IGF1R: variants seen among roughly 807,000 people sequenced by gnomAD.
The protein encoded by IGF1R is insulin-like growth factor 1 receptor.
Under a neutral mutation model 144.6 loss-of-function variants are expected in IGF1R, and 44 were observed. That is an observed-to-expected ratio of 0.30 (90% CI 0.24 to 0.39). IGF1R has a LOEUF of 0.39. IGF1R is among the 10% of genes least tolerant of loss of function. The pLI, the probability that IGF1R is intolerant of heterozygous loss-of-function variation, is 1.00. For missense variants in IGF1R, 1,355 were observed against 1,833.7 expected (o/e 0.74, Z 4.77); for synonymous variants, 795 against 722.8 (o/e 1.10, Z -1.60).
In IGF1R at chr15:98,913,296, G is replaced by A. The variant is rs1388782322; in HGVS notation, c.1828+14G>A. The stretch of plus-strand genomic sequence containing the variant: ...CCAATGCTTCAGGTATCCATGCCTA[G>A]ACAAGCCCCCAGCATCCACACTTCT... On this transcript the variant is annotated intron_variant, in intron 8 of 20. Transcript: ENST00000650285. 3 of 1,597,990 alleles carry A rather than the reference G, an allele frequency of 1.9e-6. No homozygotes were observed. Among genetic ancestry groups the A allele is most frequent in the Non-Finnish European group, 2.6e-6 (3 of 1,165,484 alleles).
intron 2 of IGF1R, among the ~76,000 whole-genome samples, chr15:98,835,655 C>G (rs1011504297): frequency 9.9e-5 from 15 of 152,274 alleles, no homozygotes; most frequent in African/African-American, 3.6e-4. Context: ...TTGATTTAGT[C>G]TGGAAAGGAG....
chr15:98,849,413 T>G (rs945426143), intron 2 of IGF1R, among the ~76,000 whole-genome samples: 11 of 152,160 alleles, frequency 7.2e-5, no homozygotes, highest in Admixed American at 2.0e-4. Context: ...CAGGCTAGAC[T>G]CCAAGTGAAT....
intron 2 of IGF1R, among the ~76,000 whole-genome samples, chr15:98,832,921 C>G (rs889270618): frequency 6.6e-6 from 1 of 152,186 alleles, no homozygotes; most frequent in African/African-American, 2.4e-5. Context: ...CCTAGACAGT[C>G]TATGTCTGTG....
At chr15:98,831,186 G>A (rs145892508) in intron 2 of IGF1R, among the ~76,000 whole-genome samples, 7 of 152,254 alleles carry the variant, frequency 4.6e-5, no homozygotes, top group East Asian at 1.9e-4. Context: ...CTATATCTAC[G>A]ACCAAATTTT....
At chr15:98,942,665 G>T (rs2016409627) in intron 18 of IGF1R, among the ~76,000 whole-genome samples, 1 of 152,160 alleles carries the variant, frequency 6.6e-6, no homozygotes, top group African/African-American at 2.4e-5. Context: ...TGCAATAAGG[G>T]CATTAACTTC....
At chr15:98,894,017 T>C (rs1298023143) in intron 3 of IGF1R, among the ~76,000 whole-genome samples, 1 of 152,216 alleles carries the variant, frequency 6.6e-6, no homozygotes, top group Non-Finnish European at 1.5e-5. Flanking sequence ...AGAAAAACAT[T>C]TTTTAAGTGC....
At chr15:98,659,971 G>C (rs998725626) in intron 1 of IGF1R, among the ~76,000 whole-genome samples, 1 of 151,998 alleles carries the variant, frequency 6.6e-6, no homozygotes, top group African/African-American at 2.4e-5. Flanking sequence ...TCTATATTTC[G>C]CTAGCTAATT....
chr15:98,801,690 A>G (rs558025524), intron 2 of IGF1R, among the ~76,000 whole-genome samples: 10 of 152,334 alleles, frequency 6.6e-5, no homozygotes, highest in African/African-American at 2.4e-4. Context: ...CATTGTAGCT[A>G]TGTGTATGGA....
At chr15:98,878,693 A>AAAAAAAAAAAAAAC (rs1567174382) in intron 2 of IGF1R, among the ~76,000 whole-genome samples, 2 of 126,114 alleles carry the variant, frequency 1.6e-5, no homozygotes, top group African/African-American at 7.2e-5. Flanking sequence ...AAAAAAAAAA[A>AAAAAAAAAAAAAAC]AACAACAACA....
At chr15:98,785,343 A>G (rs1161937401) in intron 2 of IGF1R, among the ~76,000 whole-genome samples, 1 of 152,208 alleles carries the variant, frequency 6.6e-6, no homozygotes, top group Non-Finnish European at 1.5e-5. Flanking sequence ...TTATCCTTCT[A>G]TCAGATGTCA....
intron 1 of IGF1R, among the ~76,000 whole-genome samples, chr15:98,699,838 A>G (rs893594350): frequency 6.6e-6 from 1 of 152,174 alleles, no homozygotes; most frequent in Non-Finnish European, 1.5e-5. Flanking sequence ...AACAGTTCAC[A>G]TTCAAATTAC....
At chr15:98,808,687 T>TTTTTC (rs2056519326) in intron 2 of IGF1R, among the ~76,000 whole-genome samples, 2 of 151,362 alleles carry the variant, frequency 1.3e-5, no homozygotes, top group African/African-American at 4.9e-5. Context: ...TTTTTTTTTT[T>TTTTTC]TCTTTTTGAA....
chr15:98,899,146 A>G (rs930289365), intron 4 of IGF1R, among the ~76,000 whole-genome samples: 18 of 152,238 alleles, frequency 1.2e-4, no homozygotes, highest in African/African-American at 4.3e-4. Flanking sequence ...TTGACAGAGC[A>G]TATTAAAAGA....
intron 2 of IGF1R, among the ~76,000 whole-genome samples, chr15:98,824,664 C>T (rs1207243076): frequency 1.3e-5 from 2 of 152,218 alleles, no homozygotes; most frequent in Admixed American, 1.3e-4. Flanking sequence ...ACTGCTGTTA[C>T]TCATGTGTTC....
intron 2 of IGF1R, among the ~76,000 whole-genome samples, chr15:98,812,473 C>T (rs1413721447): frequency 6.6e-6 from 1 of 151,880 alleles, no homozygotes; most frequent in Non-Finnish European, 1.5e-5. Context: ...TGTCCTGTCT[C>T]AGCCTCCCCA....
chr15:98,899,595 C>T lies in IGF1R; in HGVS notation c.1221C>T (p.Leu407=), dbSNP rs766924259. The change falls in exon 5 of 21, where the codon CTC becomes CTT. Residue 407 remains leucine (L), a synonymous_variant. Coordinates refer to ENST00000650285, the MANE Select transcript of IGF1R (RefSeq NM_000875.5). Reference sequence around the variant, plus strand: ...TGTCCTTCCTAAAAAACCTTCGCCTCATCCTAGGAGAGGAGCAGCTAGAAG... The same window carrying T: ...TGTCCTTCCTAAAAAACCTTCGCCTTATCCTAGGAGAGGAGCAGCTAGAAG... ...VSLSFLKNLR[L]ILGEEQLEGN... The T allele has an allele frequency of 2.5e-6, 4 of 1,614,166 alleles. No homozygotes were observed. Among genetic ancestry groups the T allele is most frequent in the Non-Finnish European group, 3.4e-6 (4 of 1,180,042 alleles).
intron 2 of IGF1R, among the ~76,000 whole-genome samples, chr15:98,882,970 G>A (rs954704547): frequency 2.0e-5 from 3 of 152,164 alleles, no homozygotes; most frequent in Non-Finnish European, 4.4e-5. Context: ...GTGCTCCTGG[G>A]TGCACCCCCA....
At chr15:98,919,185 A>G (rs957618451) in intron 10 of IGF1R, among the ~76,000 whole-genome samples, 11 of 152,164 alleles carry the variant, frequency 7.2e-5, no homozygotes, top group Admixed American at 7.2e-4. Context: ...CCTGGTCCTC[A>G]TTCCCACACA....
chr15:98,758,532 A>G (rs1418538608), intron 2 of IGF1R, among the ~76,000 whole-genome samples: 2 of 152,222 alleles, frequency 1.3e-5, no homozygotes, highest in Non-Finnish European at 2.9e-5. Context: ...CTCTGTTCCC[A>G]GTCTCTTCCG....
Sources: allele counts gnomAD v4.1 joint callset (sites outside exome capture counted in the v4.1 genomes callset), GRCh38; gene constraint gnomAD v4.1.1; transcripts MANE v1.5; gene names NCBI Gene and HGNC (gene_info 2026-07-23, HGNC 2026-07-21).